The following NEGR1 variants were observed in gnomAD, a reference collection of about 807,000 sequenced individuals.
NEGR1 encodes IgLON family member 4.
A neutral mutation model predicts 40.9 loss-of-function variants in NEGR1; 10 were observed. The observed-to-expected ratio is 0.24, with a 90% CI of 0.15 to 0.42. The LOEUF (loss-of-function observed/expected upper bound fraction) is 0.42, where lower values mean the gene tolerates loss of function less well. Ranked by LOEUF, NEGR1 falls within the 10% of genes least tolerant of loss-of-function variation. NEGR1 has a pLI of 1.00. For missense variants in NEGR1, 352 were observed against 438.9 expected (o/e 0.80, Z 1.77); for synonymous variants, 185 against 166.8 (o/e 1.11, Z -0.84).
At chr1:71,568,456 AGGTT>A (rs1648692076) in intron 6 of NEGR1, among the ~76,000 whole-genome samples, 1 of 152,204 alleles carries the variant, frequency 6.6e-6, no homozygotes, top group Non-Finnish European at 1.5e-5. Context: ...AGGACCTTGG[AGGTT>A]ATCCATGTGT....
chr1:71,917,731 G>C (rs1386342151), intron 2 of NEGR1, among the ~76,000 whole-genome samples: 1 of 146,212 alleles, frequency 6.8e-6, no homozygotes, highest in Admixed American at 6.9e-5. Context: ...AGTGAGCCCA[G>C]ATTGCGCCAC....
chr1:72,254,555 A>T (rs1655202437), intron 1 of NEGR1, among the ~76,000 whole-genome samples: 2 of 151,994 alleles, frequency 1.3e-5, no homozygotes, highest in Non-Finnish European at 1.5e-5. Flanking sequence ...ACAAAAAATT[A>T]GCTGGGTGTG....
chr1:71,961,114 T>C (rs773697845), intron 1 of NEGR1, among the ~76,000 whole-genome samples: 31 of 152,184 alleles, frequency 2.0e-4, no homozygotes, highest in Non-Finnish European at 3.7e-4. Flanking sequence ...GATCATATTT[T>C]AGGCTCACTA....
At chr1:71,748,518 A>G (rs1655460546) in intron 3 of NEGR1, among the ~76,000 whole-genome samples, 1 of 152,192 alleles carries the variant, frequency 6.6e-6, no homozygotes, top group Non-Finnish European at 1.5e-5. Context: ...TGACATATTG[A>G]GACCTTATTA....
intron 3 of NEGR1, among the ~76,000 whole-genome samples, chr1:71,739,484 C>G (rs1381088951): frequency 6.6e-6 from 1 of 151,374 alleles, no homozygotes; most frequent in East Asian, 1.9e-4. Flanking sequence ...TAATACACCC[C>G]CACCAAAACA....
At chr1:72,260,601 CA>C (rs1655422625) in intron 1 of NEGR1, among the ~76,000 whole-genome samples, 1 of 152,136 alleles carries the variant, frequency 6.6e-6, no homozygotes, top group African/African-American at 2.4e-5. Flanking sequence ...TGACACTACA[CA>C]TAAGTATGTT....
chr1:71,656,437 G>T (rs1028587275), intron 4 of NEGR1, among the ~76,000 whole-genome samples: 17 of 152,204 alleles, frequency 1.1e-4, no homozygotes, highest in Non-Finnish European at 1.3e-4. Context: ...GTTTGAGACG[G>T]AGTCTGGCTC....
intron 1 of NEGR1, among the ~76,000 whole-genome samples, chr1:72,064,646 A>G (rs1647232362): frequency 6.6e-6 from 1 of 152,092 alleles, no homozygotes; most frequent in Non-Finnish European, 1.5e-5. Flanking sequence ...TTTCAAAAGG[A>G]TATGCTCTAC....
chr1:71,825,555 A>C (rs1658588767), intron 2 of NEGR1, among the ~76,000 whole-genome samples: 1 of 151,934 alleles, frequency 6.6e-6, no homozygotes, highest in African/African-American at 2.4e-5. Flanking sequence ...AAAATAATTA[A>C]GAACATCAAC....
At chr1:71,615,919 G>C (rs1282994289) in intron 4 of NEGR1, among the ~76,000 whole-genome samples, 3 of 152,204 alleles carry the variant, frequency 2.0e-5, no homozygotes, top group African/African-American at 7.2e-5. Context: ...GGCAGAAGCT[G>C]AGGATAGAAT....
intron 1 of NEGR1, among the ~76,000 whole-genome samples, chr1:72,212,389 G>C (rs997710579): frequency 6.6e-6 from 1 of 151,880 alleles, no homozygotes; most frequent in Non-Finnish European, 1.5e-5. Flanking sequence ...TCCTGAAATG[G>C]ACAGGACCAA....
rs1312337287 is a variant in NEGR1 at position 72,026,415 on chromosome 1, T to C, written c.177-91104A>G. Among the ~76,000 whole-genome samples, 9 of 150,204 alleles carry C rather than the reference T, an allele frequency of 6.0e-5. No individual in the cohort carries two copies. The East Asian group carries it at 1.6e-3, about 26-fold the overall frequency. On this transcript the variant is annotated intron_variant, in intron 1 of 6. Coordinates refer to ENST00000357731, the MANE Select transcript of NEGR1 (RefSeq NM_173808.3). ...CAAAGGAGTTGGAGTCTCCCACACC[T>C]CACAAAAGAGTTAAACTAGCTGACG...
intron 2 of NEGR1, among the ~76,000 whole-genome samples, chr1:71,873,005 T>C (rs1370872215): frequency 6.6e-6 from 1 of 151,022 alleles, no homozygotes; most frequent in Non-Finnish European, 1.5e-5. Context: ...AAAAACAAAA[T>C]GACCTATATT....
chr1:71,548,970 T>C (rs1397127590), intron 6 of NEGR1, among the ~76,000 whole-genome samples: 1 of 151,720 alleles, frequency 6.6e-6, no homozygotes, highest in Non-Finnish European at 1.5e-5. Flanking sequence ...TCTGTGTGGA[T>C]AGAGGTTGAT....
Position 72,146,990 on chromosome 1 carries a change from T to G in NEGR1, c.176+135329A>C, listed in dbSNP as rs1181364302. ...ACTATATTCTCTTCATTGACCTACA[T>G]ACACTTATAATAAATGAATTTTGGT... On this transcript the variant is annotated intron_variant, in intron 1 of 6. Transcript: ENST00000357731. Among the ~76,000 whole-genome samples the G allele has an allele frequency of 3.9e-5, 6 of 152,188 alleles. No individual in the cohort carries two copies. The East Asian group carries it at 1.2e-3, about 29-fold the overall frequency.
chr1:72,100,014 G>C (rs971432229), intron 1 of NEGR1, among the ~76,000 whole-genome samples: 1 of 151,840 alleles, frequency 6.6e-6, no homozygotes, highest in Admixed American at 6.6e-5. Context: ...TAGTGATTTT[G>C]GCATTGCCAA....
At chr1:72,142,767 T>C (rs1406961599) in intron 1 of NEGR1, among the ~76,000 whole-genome samples, 2 of 151,866 alleles carry the variant, frequency 1.3e-5, no homozygotes, top group Admixed American at 6.6e-5. Context: ...GTTTGTTTGT[T>C]TGTTTCAGGT....
intron 6 of NEGR1, among the ~76,000 whole-genome samples, chr1:71,589,040 T>G (rs1570072454): frequency 6.6e-6 from 1 of 152,140 alleles, no homozygotes; most frequent in East Asian, 1.9e-4. Flanking sequence ...CTCATCTATT[T>G]ATTTAACCTT....
intron 3 of NEGR1, among the ~76,000 whole-genome samples, chr1:71,764,845 G>A (rs1656066294): frequency 6.6e-6 from 1 of 152,126 alleles, no homozygotes; most frequent in Non-Finnish European, 1.5e-5. Flanking sequence ...TGAGCTGATC[G>A]AAAATCAGAA....
Sources: allele counts gnomAD v4.1 joint callset (sites outside exome capture counted in the v4.1 genomes callset), GRCh38; gene constraint gnomAD v4.1.1; transcripts MANE v1.5; gene names NCBI Gene and HGNC (gene_info 2026-07-23, HGNC 2026-07-21).